DLG2: variants seen among roughly 807,000 people sequenced by gnomAD.
DLG2 encodes the protein discs large MAGUK scaffold protein 2, also known as disks large homolog 2.
A neutral mutation model predicts 132.5 loss-of-function variants in DLG2; 45 were observed. That is an observed-to-expected ratio of 0.34 (90% CI 0.27 to 0.44). DLG2 has a LOEUF of 0.44. DLG2 is among the 20% of genes least tolerant of loss of function. DLG2 has a pLI of 1.00. For missense variants in DLG2, 1,045 were observed against 1,196.9 expected (o/e 0.87, Z 1.87); for synonymous variants, 424 against 419.6 (o/e 1.01, Z -0.13).
intron 6 of DLG2, among the ~76,000 whole-genome samples, chr11:85,012,378 G>A (rs923395467): frequency 1.2e-4 from 18 of 146,522 alleles, no homozygotes; most frequent in African/African-American, 4.4e-4. Flanking sequence ...TACAAAATTC[G>A]CTGGGTGTGG....
intron 6 of DLG2, among the ~76,000 whole-genome samples, chr11:84,692,703 G>A (rs1422542375): frequency 1.3e-5 from 2 of 151,604 alleles, no homozygotes; most frequent in Non-Finnish European, 3.0e-5. Flanking sequence ...TATGCAAAGA[G>A]CTTTCACAAT....
chr11:85,214,912 T>C (rs2082482972), intron 4 of DLG2, among the ~76,000 whole-genome samples: 1 of 152,142 alleles, frequency 6.6e-6, no homozygotes, highest in South Asian at 2.1e-4. Flanking sequence ...GAGAGATTTG[T>C]GGGTAAGACA....
intron 6 of DLG2, among the ~76,000 whole-genome samples, chr11:84,666,645 TG>T (rs1421268346): frequency 6.6e-6 from 1 of 152,086 alleles, no homozygotes; most frequent in African/African-American, 2.4e-5. Flanking sequence ...TGCAATTGGA[TG>T]TGTGTATACA....
intron 6 of DLG2, among the ~76,000 whole-genome samples, chr11:84,849,857 C>T (rs1465314518): frequency 6.6e-6 from 1 of 152,094 alleles, no homozygotes; most frequent in Non-Finnish European, 1.5e-5. Context: ...CCCACTTCTA[C>T]ACCTAGACAG....
intron 18 of DLG2, among the ~76,000 whole-genome samples, chr11:83,657,957 A>C (rs1432417228): frequency 1.3e-5 from 2 of 152,244 alleles, no homozygotes; most frequent in Non-Finnish European, 2.9e-5. Context: ...ATATCAAAGA[A>C]GACATGGCTG....
intron 6 of DLG2, among the ~76,000 whole-genome samples, chr11:84,694,425 T>A (rs1183283260): frequency 6.6e-6 from 1 of 151,686 alleles, no homozygotes; most frequent in Non-Finnish European, 1.5e-5. Flanking sequence ...CATACAATAT[T>A]TTTATTTCCT....
chr11:84,439,519 C>T (rs749084140), intron 7 of DLG2, among the ~76,000 whole-genome samples: 1 of 152,156 alleles, frequency 6.6e-6, no homozygotes, highest in African/African-American at 2.4e-5. Flanking sequence ...CCTACAAGCA[C>T]TCCTTTCCTT....
chr11:84,430,128 C>G (rs1303866291), intron 7 of DLG2, among the ~76,000 whole-genome samples: 1 of 152,110 alleles, frequency 6.6e-6, no homozygotes, highest in Non-Finnish European at 1.5e-5. Context: ...CATCTTATAC[C>G]TTAGTTCATC....
At chr11:85,069,414 G>C (rs553646667) in intron 6 of DLG2, among the ~76,000 whole-genome samples, 2 of 152,142 alleles carry the variant, frequency 1.3e-5, no homozygotes, top group African/African-American at 2.4e-5. Flanking sequence ...CTGACAAAGG[G>C]CTAATATCCA....
chr11:83,558,527 T>C (rs143285976), intron 19 of DLG2, among the ~76,000 whole-genome samples: 1,803 of 152,302 alleles, frequency 0.012, 19 homozygotes, highest in Middle Eastern at 0.024. Flanking sequence ...GTAGGCACTT[T>C]ATATACCTTG....
At chr11:84,875,550 G>C (rs1283045843) in intron 6 of DLG2, among the ~76,000 whole-genome samples, 1 of 150,482 alleles carries the variant, frequency 6.6e-6, no homozygotes. Context: ...TGTACATCAT[G>C]GTTTTCCTTT....
intron 6 of DLG2, among the ~76,000 whole-genome samples, chr11:84,714,185 A>G (rs2060752398): frequency 7.7e-6 from 1 of 129,638 alleles, no homozygotes; most frequent in Non-Finnish European, 1.5e-5. Context: ...AAATAAAAAA[A>G]AAACATATAC....
At chr11:85,298,405 G>A (rs933069057) in intron 3 of DLG2, among the ~76,000 whole-genome samples, 2 of 152,160 alleles carry the variant, frequency 1.3e-5, no homozygotes, top group Non-Finnish European at 2.9e-5. Context: ...TGTGCTCAGA[G>A]TGAACATCAT....
chr11:84,898,907 T>A (rs2090537099), intron 6 of DLG2, among the ~76,000 whole-genome samples: 1 of 152,080 alleles, frequency 6.6e-6, no homozygotes, highest in Non-Finnish European at 1.5e-5. Context: ...TTACACTTTA[T>A]AACAATTATT....
chr11:85,423,318 T>C (rs1276744204), intron 3 of DLG2, among the ~76,000 whole-genome samples: 1 of 152,190 alleles, frequency 6.6e-6, no homozygotes. Context: ...ACCAGCACCT[T>C]TTCCAGTGGA....
chr11:85,360,792 C>T lies in DLG2; in HGVS notation c.41-75427G>A, dbSNP rs184363322. On this transcript the variant is annotated intron_variant, in intron 3 of 27. Coordinates refer to ENST00000376104, the MANE Select transcript of DLG2 (RefSeq NM_001142699.3). ...AAATTCTCTTCCAGGACGCCCTTCT[C>T]AATAAAATCTCTCCTGGTATCAACA... 6.6e-5 allele frequency among the ~76,000 whole-genome samples: 10 copies of T among 152,222 alleles called. No individual in the cohort carries two copies. The East Asian group carries it at 1.9e-3, about 29-fold the overall frequency.
intron 3 of DLG2, among the ~76,000 whole-genome samples, chr11:85,520,494 A>T (rs2074213008): frequency 6.9e-6 from 1 of 144,014 alleles, no homozygotes; most frequent in South Asian, 2.3e-4. Context: ...AGAAAAAAAT[A>T]GTCCTAAAAT....
intron 11 of DLG2, among the ~76,000 whole-genome samples, chr11:84,013,342 T>C (rs965174319): frequency 1.3e-5 from 2 of 152,116 alleles, no homozygotes; most frequent in African/African-American, 4.8e-5. Context: ...TACTATGGGC[T>C]AGGGACAAGC....
intron 12 of DLG2, among the ~76,000 whole-genome samples, chr11:83,975,458 C>A (rs1023986814): frequency 1.3e-5 from 2 of 151,696 alleles, no homozygotes; most frequent in East Asian, 1.9e-4. Context: ...TTTGGGTGAC[C>A]CATTAAACAT....
Sources: gnomAD v4.1 joint callset for allele counts (sites outside exome capture counted in the v4.1 genomes callset) on GRCh38, gnomAD v4.1.1 for gene constraint, MANE v1.5 for transcripts, NCBI Gene and HGNC (gene_info 2026-07-23, HGNC 2026-07-21) for gene names.